The following UTRN variants were observed in gnomAD, a reference collection of about 807,000 sequenced individuals.
UTRN encodes the protein dystrophin-related protein 1.
In UTRN, 283 loss-of-function variants were observed where a neutral mutation model predicts 463.9. The ratio of observed to expected loss-of-function variants is 0.61; its 90% confidence interval spans 0.55 to 0.67. UTRN has a LOEUF of 0.67. Ranked by LOEUF, UTRN falls within the 30% of genes least tolerant of loss-of-function variation. The pLI, the probability that UTRN is intolerant of heterozygous loss-of-function variation, is 0.00. For synonymous variants in UTRN, 1,442 were observed against 1,431.5 expected, an observed-to-expected ratio of 1.01 and a Z score of -0.17; for missense variants, 3,922 against 4,084.3, an observed-to-expected ratio of 0.96 and a Z score of 1.08.
intron 51 of UTRN, among the ~76,000 whole-genome samples, chr6:144,580,135 G>A (rs1200882735): frequency 2.0e-5 from 3 of 152,114 alleles, no homozygotes; most frequent in Non-Finnish European, 4.4e-5. Flanking sequence ...AAACTTGTTT[G>A]GAAATGGAGA....
chr6:144,465,011 G>A (rs1789797626), intron 23 of UTRN, among the ~76,000 whole-genome samples: 2 of 152,140 alleles, frequency 1.3e-5, no homozygotes, highest in Non-Finnish European at 2.9e-5. Context: ...AGAACTGTGG[G>A]AGAAGACTTC....
rs186029540 is a variant in UTRN at position 144,543,672 on chromosome 6, G to T, written c.6595+802G>T. 1.7e-4 allele frequency among the ~76,000 whole-genome samples: 26 copies of T among 150,866 alleles called. 1 individual carries two copies. The East Asian group carries it at 4.1e-3, about 24-fold the overall frequency. On this transcript the variant is annotated intron_variant, in intron 46 of 74. Transcript: ENST00000367545. Reference sequence around the variant, plus strand: ...CCTTCTACTTTCTACCTCTTCTCTCGTCCTCCACCTCTACCTCTTCTACCT... The same window carrying T: ...CCTTCTACTTTCTACCTCTTCTCTCTTCCTCCACCTCTACCTCTTCTACCT...
At chr6:144,649,375 C>T (rs528867732) in intron 51 of UTRN, among the ~76,000 whole-genome samples, 2 of 152,238 alleles carry the variant, frequency 1.3e-5, no homozygotes, top group Admixed American at 6.5e-5. Context: ...ATACCATTGC[C>T]GCTGGTTGTA....
Position 144,771,974 on chromosome 6 carries a change from T to G in UTRN, c.8557+6T>G, listed in dbSNP as rs1337268038. 1 of 1,547,742 alleles carries G rather than the reference T, an allele frequency of 6.5e-7. No homozygotes were observed. The highest frequency in any genetic ancestry group is 8.7e-7 in the Non-Finnish European group (1 of 1,146,440). ...CGAACTCTTTCAATCCCTTGGTAAGTGTTATTAATAGTAATAAATTAACCT... is the reference window on the plus strand; with the variant it reads ...CGAACTCTTTCAATCCCTTGGTAAGGGTTATTAATAGTAATAAATTAACCT... On this transcript the variant is annotated splice_donor_region_variant and intron_variant, in intron 59 of 74. Coordinates refer to ENST00000367545, the MANE Select transcript of UTRN (RefSeq NM_007124.3).
chr6:144,523,908 G>C (rs1796342758), intron 41 of UTRN, among the ~76,000 whole-genome samples: 1 of 152,256 alleles, frequency 6.6e-6, no homozygotes, highest in East Asian at 1.9e-4. Flanking sequence ...ATGCTTTTGA[G>C]CCTTCTTACT....
chr6:144,477,907 C>CCA (rs1791417476), intron 25 of UTRN, among the ~76,000 whole-genome samples: 3 of 151,954 alleles, frequency 2.0e-5, no homozygotes, highest in Admixed American at 6.5e-5. Context: ...ATCTATCTAT[C>CCA]TATCCATCCA....
intron 69 of UTRN, among the ~76,000 whole-genome samples, chr6:144,829,828 G>A (rs1780515754): frequency 6.6e-6 from 1 of 151,830 alleles, no homozygotes; most frequent in South Asian, 2.1e-4. Flanking sequence ...ATAAATAAAA[G>A]TTATCAGGAG....
intron 73 of UTRN, among the ~76,000 whole-genome samples, chr6:144,843,110 A>T (rs181454489): frequency 1.3e-5 from 2 of 152,312 alleles, no homozygotes; most frequent in Admixed American, 1.3e-4. Context: ...CTTAAAGGAA[A>T]TTACTTTTTA....
intron 2 of UTRN, among the ~76,000 whole-genome samples, chr6:144,345,710 C>A (rs1777506865): frequency 6.6e-6 from 1 of 152,018 alleles, no homozygotes; most frequent in African/African-American, 2.4e-5. Context: ...AGGCTTGTGG[C>A]CTTTCGAAGA....
intron 2 of UTRN, among the ~76,000 whole-genome samples, chr6:144,326,526 A>C (rs1455489431): frequency 2.0e-5 from 3 of 152,162 alleles, no homozygotes; most frequent in African/African-American, 4.8e-5. Flanking sequence ...CATATTGCTG[A>C]TGATGATGGG....
chr6:144,328,193 C>CTT lies in UTRN; in HGVS notation c.79+36297_79+36298dup, dbSNP rs397946679. Among the ~76,000 whole-genome samples, 331 of 145,062 alleles carry CTT rather than the reference C, an allele frequency of 2.3e-3. 1 individual carries two copies. Among genetic ancestry groups the CTT allele is most frequent in the African/African-American group, 7.9e-3 (316 of 39,968 alleles). Reference sequence around the variant, plus strand: ...GAAAAAAGGGAGAGAAGTTTCTTTCCTTTTTTTTTTTTAAACAAAAGAAAA... The same window carrying CTT: ...GAAAAAAGGGAGAGAAGTTTCTTTCCTTTTTTTTTTTTTTAAACAAAAGAAAA... On this transcript the variant is annotated intron_variant, in intron 2 of 74. Coordinates refer to ENST00000367545, the MANE Select transcript of UTRN (RefSeq NM_007124.3).
chr6:144,752,053 A>G, intron 56 of UTRN, 101 bp downstream of exon 56: 11 of 1,194,116 alleles, frequency 9.2e-6, no homozygotes, highest in Non-Finnish European at 1.1e-5. Context: ...TTCTTTGCTG[A>G]TGGTATTTGA....
At chr6:144,662,038 A>C (rs1779923049) in intron 51 of UTRN, among the ~76,000 whole-genome samples, 1 of 152,022 alleles carries the variant, frequency 6.6e-6, no homozygotes, top group South Asian at 2.1e-4. Flanking sequence ...TTTGAGACAA[A>C]AGGCGAACTC....
chr6:144,806,448 G>A (rs1778155710), intron 65 of UTRN, among the ~76,000 whole-genome samples: 1 of 152,036 alleles, frequency 6.6e-6, no homozygotes, highest in Non-Finnish European at 1.5e-5. Flanking sequence ...TGTATGACAG[G>A]TCACTTTCTG....
chr6:144,351,804 T>A (rs1184388676), intron 2 of UTRN, among the ~76,000 whole-genome samples: 1 of 152,228 alleles, frequency 6.6e-6, no homozygotes, highest in Non-Finnish European at 1.5e-5. Context: ...AAGGCTGGGC[T>A]GTGTGGCACT....
At position 144,507,038 on chromosome 6, in the gene UTRN, C is replaced by A. The variant is rs181216240; in HGVS notation, c.4765-3906C>A. On this transcript the variant is annotated intron_variant, in intron 34 of 74. Transcript: ENST00000367545. ...TGATCTTCAATCTCTGATATGCTTT[C>A]TTCCGCTTGATCGATTCAGCTATTG... Among the ~76,000 whole-genome samples, 480 of 152,012 alleles carry A rather than the reference C, an allele frequency of 3.2e-3. 1 individual carries two copies. The highest frequency in any genetic ancestry group is 5.0e-3 in the Non-Finnish European group (340 of 67,980).
intron 73 of UTRN, among the ~76,000 whole-genome samples, chr6:144,846,065 A>C (rs974118975): frequency 6.6e-6 from 1 of 152,084 alleles, no homozygotes; most frequent in African/African-American, 2.4e-5. Context: ...AGCATTGAGA[A>C]CGAGATGATC....
intron 23 of UTRN, among the ~76,000 whole-genome samples, chr6:144,464,349 T>TTG (rs140920364): frequency 2.0e-5 from 3 of 150,732 alleles, no homozygotes; most frequent in Non-Finnish European, 4.4e-5. Flanking sequence ...GATGGAGGGG[T>TTG]TGTGTGTGTG....
chr6:144,661,374 A>C (rs1381371601), intron 51 of UTRN, among the ~76,000 whole-genome samples: 1 of 152,152 alleles, frequency 6.6e-6, no homozygotes, highest in Non-Finnish European at 1.5e-5. Context: ...AGAAGAATTT[A>C]GCTCTTTGCT....
Sources: gnomAD v4.1 joint callset for allele counts (sites outside exome capture counted in the v4.1 genomes callset) on GRCh38, gnomAD v4.1.1 for gene constraint, MANE v1.5 for transcripts, NCBI Gene and HGNC (gene_info 2026-07-23, HGNC 2026-07-21) for gene names.